The following PLXNA4 variants were observed in gnomAD, a reference collection of about 807,000 sequenced individuals.
PLXNA4 encodes plexin A4.
Under a neutral mutation model 191.8 loss-of-function variants are expected in PLXNA4, and 44 were observed. The observed-to-expected ratio is 0.23, with a 90% CI of 0.18 to 0.29. The LOEUF (loss-of-function observed/expected upper bound fraction) is 0.29. Ranked by LOEUF, PLXNA4 falls within the 10% of genes least tolerant of loss-of-function variation. PLXNA4 has a pLI of 1.00. For synonymous variants in PLXNA4, 1,082 were observed against 1,009.5 expected (o/e 1.07, Z -1.36); for missense variants, 1,800 against 2,488.8 (o/e 0.72, Z 5.89).
intron 2 of PLXNA4, among the ~76,000 whole-genome samples, chr7:132,500,154 A>T (rs541353984): frequency 6.6e-6 from 1 of 152,196 alleles, no homozygotes; most frequent in Non-Finnish European, 1.5e-5. Context: ...ACCCAAATGC[A>T]TTATCTTATC....
chr7:132,494,964 G>A (rs528651882), intron 2 of PLXNA4, among the ~76,000 whole-genome samples: 21 of 152,262 alleles, frequency 1.4e-4, no homozygotes, highest in Admixed American at 1.2e-3. Context: ...AGGTAGACCT[G>A]GGGAACAGTG....
At chr7:132,496,041 C>CAGA (rs1563133274) in intron 2 of PLXNA4, among the ~76,000 whole-genome samples, 2 of 152,198 alleles carry the variant, frequency 1.3e-5, no homozygotes, top group Non-Finnish European at 2.9e-5. Context: ...GATGGACAGA[C>CAGA]CTGGGCCATG....
At chr7:132,385,024 A>AC in intron 3 of PLXNA4, 3 of 1,434,720 alleles carry the variant, frequency 2.1e-6, no homozygotes, top group Non-Finnish European at 2.7e-6. Flanking sequence ...AAGCAGAGAC[A>AC]CATTCTCCAA....
intron 26 of PLXNA4, 55 bp from the exon 27 acceptor site, chr7:132,148,054 A>G: frequency 6.2e-7 from 1 of 1,613,120 alleles, no homozygotes; most frequent in Non-Finnish European, 8.5e-7. Context: ...CACTCCAGGA[A>G]ATAAGGACAA....
At chr7:132,448,786 G>A (rs1014853931) in intron 3 of PLXNA4, among the ~76,000 whole-genome samples, 4 of 152,140 alleles carry the variant, frequency 2.6e-5, no homozygotes, top group African/African-American at 9.7e-5. Context: ...AACCAACAAA[G>A]GGCTCTGAAC....
intron 5 of PLXNA4, among the ~76,000 whole-genome samples, chr7:132,238,818 G>T (rs545357793): frequency 2.0e-5 from 3 of 152,132 alleles, no homozygotes; most frequent in Non-Finnish European, 4.4e-5. Flanking sequence ...CACAAGAGGG[G>T]GGGGGGCACC....
At chr7:132,621,030 A>T (rs1297009191) in intron 2 of PLXNA4, among the ~76,000 whole-genome samples, 1 of 152,108 alleles carries the variant, frequency 6.6e-6, no homozygotes, top group Non-Finnish European at 1.5e-5. Context: ...AATTTCATTC[A>T]TGAGGGCTCC....
At chr7:132,244,423 G>A (rs1371548550) in intron 4 of PLXNA4, among the ~76,000 whole-genome samples, 1 of 152,130 alleles carries the variant, frequency 6.6e-6, no homozygotes, top group Non-Finnish European at 1.5e-5. Context: ...CATCTTAAAG[G>A]TAAACAACCC....
chr7:132,189,563 A>G (rs1388490964), intron 14 of PLXNA4, among the ~76,000 whole-genome samples: 1 of 152,162 alleles, frequency 6.6e-6, no homozygotes, highest in Non-Finnish European at 1.5e-5. Context: ...TCTTCCCTCT[A>G]GCCTTGGTAC....
intron 2 of PLXNA4, among the ~76,000 whole-genome samples, chr7:132,632,887 C>T (rs946688416): frequency 2.6e-5 from 4 of 152,112 alleles, no homozygotes; most frequent in Non-Finnish European, 4.4e-5. Context: ...CCTTTTACAG[C>T]ATTTGGAGCC....
chr7:132,370,414 A>G (rs1299491083), intron 3 of PLXNA4, among the ~76,000 whole-genome samples: 1 of 152,200 alleles, frequency 6.6e-6, no homozygotes, highest in East Asian at 1.9e-4. Flanking sequence ...TGGCCTCTCA[A>G]ATGCTGGAGG....
At chr7:132,538,274 C>T (rs1002289140) in intron 1 of PLXNA4, among the ~76,000 whole-genome samples, 20 of 152,120 alleles carry the variant, frequency 1.3e-4, no homozygotes, top group African/African-American at 2.7e-4. Flanking sequence ...GCTCCCGAAG[C>T]GGAGACACTC....
chr7:132,150,208 G>A (rs2671105), intron 25 of PLXNA4, among the ~76,000 whole-genome samples: 40,140 of 152,222 alleles, frequency 0.26, 12,360 homozygotes, highest in African/African-American at 0.75. Context: ...AATAGGCAAA[G>A]GGGAAAATGC....
chr7:132,566,148 G>A (rs1393076304), intron 1 of PLXNA4, among the ~76,000 whole-genome samples: 1 of 152,124 alleles, frequency 6.6e-6, no homozygotes, highest in African/African-American at 2.4e-5. Flanking sequence ...ATTCACTCTG[G>A]AAAGGAGCAC....
chr7:132,386,541 C>A (rs1289410984), intron 3 of PLXNA4, among the ~76,000 whole-genome samples: 3 of 152,134 alleles, frequency 2.0e-5, no homozygotes, highest in Non-Finnish European at 4.4e-5. Flanking sequence ...TAAAATCATG[C>A]TTAGTGGGGA....
chr7:132,368,652 C>A (rs780215316), intron 3 of PLXNA4, among the ~76,000 whole-genome samples: 6 of 152,210 alleles, frequency 3.9e-5, no homozygotes, highest in Non-Finnish European at 7.3e-5. Flanking sequence ...CTGCTGGGCT[C>A]AAAGACACCT....
intron 2 of PLXNA4, among the ~76,000 whole-genome samples, chr7:132,621,849 T>C (rs1363998679): frequency 6.6e-6 from 1 of 152,202 alleles, no homozygotes; most frequent in African/African-American, 2.4e-5. Context: ...CCCACTGTTG[T>C]TTTATTTTGC....
chr7:132,449,085 T>C (rs973654430), intron 3 of PLXNA4, among the ~76,000 whole-genome samples: 1 of 152,200 alleles, frequency 6.6e-6, no homozygotes, highest in Non-Finnish European at 1.5e-5. Context: ...TCAAATCCCT[T>C]TTCTAAGAGG....
intron 31 of PLXNA4, among the ~76,000 whole-genome samples, chr7:132,132,738 G>A (rs1482243038): frequency 6.6e-6 from 1 of 152,064 alleles, no homozygotes; most frequent in Non-Finnish European, 1.5e-5. Flanking sequence ...AAGAGAGTTA[G>A]ATCAGAGAAA....
Sources: allele counts gnomAD v4.1 joint callset (sites outside exome capture counted in the v4.1 genomes callset), GRCh38; gene constraint gnomAD v4.1.1; transcripts MANE v1.5; gene names NCBI Gene and HGNC (gene_info 2026-07-23, HGNC 2026-07-21).